Variants in SLC28A1 observed in about 807,000 individuals in gnomAD.
The protein encoded by SLC28A1 is solute carrier family 28 member 1.
SLC28A1 carries 64 observed loss-of-function variants against 74.8 expected under a neutral mutation model. The observed-to-expected ratio is 0.86, with a 90% CI of 0.70 to 1.05. SLC28A1 has a LOEUF of 1.05. Among genes scored for constraint, SLC28A1 ranks in the 50% least tolerant of loss-of-function variants. The probability of loss-of-function intolerance (pLI) is 0.00; values close to 1 mark genes in which losing one functional copy is unlikely to be tolerated. For synonymous variants in SLC28A1, 359 were observed against 335.0 expected (o/e 1.07, Z -0.78); for missense variants, 828 against 822.8 (o/e 1.01, Z -0.08).
At chr15:84,895,477 G>A (rs370698434) in intron 6 of SLC28A1, 1 of 1,609,966 alleles carries the variant, frequency 6.2e-7, no homozygotes, top group South Asian at 1.1e-5. Context: ...CCCTGGAGGG[G>A]GATTCAGCAG....
the SLC28A1 span, among the ~76,000 whole-genome samples, chr15:84,967,420 G>A: frequency 6.6e-6 from 1 of 152,152 alleles, no homozygotes; most frequent in Admixed American, 6.5e-5. Flanking sequence ...CAATTTGAAA[G>A]CCACTGGTTC....
chr15:84,938,640 C>G (rs934466942), intron 15 of SLC28A1: 3 of 152,036 alleles, frequency 2.0e-5, no homozygotes, highest in Non-Finnish European at 4.4e-5. Context: ...AGACATGGCT[C>G]TGGTCTCATG....
intron 3 of SLC28A1, 86 bp from the exon 4 acceptor site, chr15:84,888,686 T>A (rs1964898812): frequency 1.2e-6 from 1 of 866,370 alleles, no homozygotes; most frequent in East Asian, 2.7e-5. Context: ...TCAGCCAGGG[T>A]CTCACCGTGG....
In SLC28A1 at chr15:84,922,693, GC is replaced by G. The variant is rs1309234419; in HGVS notation, c.958-1288del. Among the ~76,000 whole-genome samples, 7 of 152,188 alleles carry G rather than the reference GC, an allele frequency of 4.6e-5. No homozygotes were observed. In the East Asian group the frequency reaches 1.4e-3, roughly 29 times the overall value. The stretch of plus-strand genomic sequence containing the variant: ...GCGTGCCCCTCACCGTGGCTTCCTA[GC>G]CCCTCTGTGGCCCACCTGCCCCCTC... On this transcript the variant is annotated intron_variant, in intron 11 of 18. Transcript: ENST00000394573.
chr15:84,960,760 T>C, the SLC28A1 span, among the ~76,000 whole-genome samples: 1 of 152,248 alleles, frequency 6.6e-6, no homozygotes, highest in Non-Finnish European at 1.5e-5. Flanking sequence ...ACAGTTCAGC[T>C]TTATCAGCTC....
In SLC28A1 at chr15:84,887,876, A is replaced by C. The variant is rs751501109; in HGVS notation, c.96+20A>C. 5.1e-6 allele frequency: 8 copies of C among 1,567,742 alleles called. No individual in the cohort carries two copies. Among genetic ancestry groups the C allele is most frequent in the Admixed American group, 1.7e-5 (1 of 59,950 alleles). Reference sequence around the variant, plus strand: ...AGCCTGGTCTGTACCCTTCCCCATCAGTCATCCTGACCCCTCAGCCTCTTT... The same window carrying C: ...AGCCTGGTCTGTACCCTTCCCCATCCGTCATCCTGACCCCTCAGCCTCTTT... On this transcript the variant is annotated intron_variant, in intron 3 of 18. Coordinates refer to ENST00000394573, the MANE Select transcript of SLC28A1 (RefSeq NM_004213.5).
chr15:84,915,916 C>A (rs1394514683), intron 9 of SLC28A1, among the ~76,000 whole-genome samples: 1 of 151,368 alleles, frequency 6.6e-6, no homozygotes, highest in African/African-American at 2.4e-5. Flanking sequence ...TTGCATCCAC[C>A]AGCCACCTCA....
Position 84,888,766 on chromosome 15 carries a change from C to T in SLC28A1, c.97-6C>T, listed in dbSNP as rs1419537444. 4 of 1,551,054 alleles carry T rather than the reference C, an allele frequency of 2.6e-6. No homozygotes were observed. In the South Asian group the frequency reaches 3.6e-5, roughly 14 times the overall value. On this transcript the variant is annotated splice_polypyrimidine_tract_variant and splice_region_variant and intron_variant, in intron 3 of 18. Coordinates refer to ENST00000394573, the MANE Select transcript of SLC28A1 (RefSeq NM_004213.5). ...GGCCGACCTGACGGCTCCCTGCGGG[C>T]TGTAGGAGGAAGGCCAGCTCCCTAG...
At chr15:84,963,635 G>A in the SLC28A1 span, among the ~76,000 whole-genome samples, 11 of 152,146 alleles carry the variant, frequency 7.2e-5, no homozygotes, top group Admixed American at 3.9e-4. Flanking sequence ...CTGCCCCCCC[G>A]AGCCTGTCTA....
intron 12 of SLC28A1, among the ~76,000 whole-genome samples, chr15:84,930,562 G>T (rs752482113): frequency 1.3e-5 from 2 of 151,784 alleles, no homozygotes; most frequent in Non-Finnish European, 2.9e-5. Context: ...TCAGCAGCAG[G>T]CCTGGCACTT....
chr15:84,886,884 T>G, intron 2 of SLC28A1, 97 bp downstream of exon 2: 1 of 557,374 alleles, frequency 1.8e-6, no homozygotes, highest in Non-Finnish European at 2.3e-6. Context: ...TGCACGCACA[T>G]GCACGGGTCT....
chr15:84,915,062 C>A (rs1199289992), intron 9 of SLC28A1, among the ~76,000 whole-genome samples: 1 of 152,166 alleles, frequency 6.6e-6, no homozygotes, highest in Admixed American at 6.5e-5. Context: ...GCCCTGCAGT[C>A]CCTCTCAGGA....
the SLC28A1 span, among the ~76,000 whole-genome samples, chr15:84,974,032 G>A: frequency 6.6e-6 from 1 of 152,142 alleles, no homozygotes; most frequent in East Asian, 1.9e-4. Context: ...CCTAGAACTT[G>A]GAGTGAATGA....
rs17222274 is a variant in SLC28A1 at position 84,923,996 on chromosome 15, A to G, written c.969A>G (p.Pro323=). The change falls in exon 12 of 19, where the codon CCA becomes CCG. Residue 323 remains proline, a synonymous_variant. Coordinates refer to ENST00000394573, the MANE Select transcript of SLC28A1 (RefSeq NM_004213.5). ...TTTCCTGTTTGCAGACCGAGGCTCC[A>G]TTACTGATCCGGCCCTACTTGGCAG... is the stretch of plus-strand genomic sequence containing the variant. ...GNIFVSQTEA[P]LLIRPYLADM... 3.7e-5 allele frequency: 60 copies of G among 1,613,906 alleles called. No individual in the cohort carries two copies. The South Asian group carries it at 6.5e-4, about 17-fold the overall frequency.
At position 84,886,766 on chromosome 15, in the gene SLC28A1, G is replaced by A. The variant is rs891881703; in HGVS notation, c.-38G>A. 8.1e-6 allele frequency: 8 copies of A among 985,342 alleles called. No individual in the cohort carries two copies. The highest frequency in any genetic ancestry group is 5.2e-4 in the Middle Eastern group (1 of 1,936). The allele number at this position is 985,342 out of a possible 1,614,324, so 61.0% of individuals were successfully genotyped here. On this transcript the variant is annotated 5_prime_UTR_variant, in exon 2 of 19. Coordinates refer to ENST00000394573, the MANE Select transcript of SLC28A1 (RefSeq NM_004213.5). ...CGTGTGCTTCCCTCTCTCTCTGAGA[G>A]CGACCTGTTAACCGCAAATACGTGA...
chr15:84,943,815 G>C (rs1972989948), intron 16 of SLC28A1, among the ~76,000 whole-genome samples: 1 of 151,914 alleles, frequency 6.6e-6, no homozygotes, highest in Non-Finnish European at 1.5e-5. Context: ...TGTGATCCCA[G>C]CTACTCAGGA....
chr15:84,886,458 G>A, intron 1 of SLC28A1: 1 of 985,450 alleles, frequency 1.0e-6, no homozygotes, highest in Non-Finnish European at 1.2e-6. Context: ...GGTCAGTTTG[G>A]GAACTGGGGA....
In SLC28A1 at chr15:84,945,191, T is replaced by G; in HGVS notation, c.1941T>G (p.Cys647Trp). The stretch of plus-strand genomic sequence containing the variant: ...GTCGGTTTTACAACCACACGATCTG[T>G]GCACAGTGAGGACAGAACATGCTTG... ...NCCRFYNHTICAQ is the reference protein window; with the variant it reads ...NCCRFYNHTIWAQ The change falls in exon 19 of 19, where the codon TGT becomes TGG. Residue 647 changes from cysteine to tryptophan, a missense_variant. Around this residue, in one of 3 missense-constraint regions of SLC28A1, gnomAD observed 53 missense variants for 44.5 expected, o/e 1.19. Transcript: ENST00000394573. The G allele has an allele frequency of 6.2e-7, 1 of 1,614,026 alleles. No individual in the cohort carries two copies. The highest frequency in any genetic ancestry group is 8.5e-7 in the Non-Finnish European group (1 of 1,179,936).
intron 15 of SLC28A1, chr15:84,941,154 G>A (rs1390879700): frequency 2.0e-5 from 3 of 152,176 alleles, no homozygotes; most frequent in Admixed American, 6.6e-5. Context: ...TTTCCTCAGT[G>A]AGGCACAGAG....
Sources: gnomAD v4.1 joint callset for allele counts (sites outside exome capture counted in the v4.1 genomes callset) on GRCh38, gnomAD v4.1.1 for gene constraint, gnomAD v4.1.1 regional missense constraint, MANE v1.5 for transcripts, NCBI Gene and HGNC (gene_info 2026-07-23, HGNC 2026-07-21) for gene names.